PTPRU: variants seen among roughly 807,000 people sequenced by gnomAD.
PTPRU encodes receptor-type tyrosine-protein phosphatase U.
Under a neutral mutation model 166.3 loss-of-function variants are expected in PTPRU, and 69 were observed. The ratio of observed to expected loss-of-function variants is 0.41; its 90% CI spans 0.34 to 0.51. The LOEUF (loss-of-function observed/expected upper bound fraction) is 0.51. Among genes scored for constraint, PTPRU ranks in the 20% least tolerant of loss-of-function variants. The pLI, the probability that PTPRU is intolerant of heterozygous loss-of-function variation, is 0.09. For missense variants in PTPRU, 1,657 were observed against 2,013.7 expected (o/e 0.82, Z 3.39); for synonymous variants, 793 against 814.0 (o/e 0.97, Z 0.44).
intron 8 of PTPRU, among the ~76,000 whole-genome samples, chr1:29,277,390 T>C (rs1314439322): frequency 2.6e-5 from 4 of 152,204 alleles, no homozygotes; most frequent in Non-Finnish European, 5.9e-5. Context: ...CATGAGCCAC[T>C]GCACCTGGCC....
intron 2 of PTPRU, 89 bp downstream of exon 2, chr1:29,255,495 A>T: frequency 6.5e-7 from 1 of 1,544,932 alleles, no homozygotes; most frequent in East Asian, 2.3e-5. Context: ...CACATTACTT[A>T]ACCTCTCTGG....
chr1:29,307,917 C>T (rs564730976), intron 18 of PTPRU, among the ~76,000 whole-genome samples: 4 of 151,980 alleles, frequency 2.6e-5, no homozygotes, highest in East Asian at 1.9e-4. Flanking sequence ...TGCACCACCA[C>T]GCCCAGCTAA....
At chr1:29,259,699 T>C (rs1684951734) in intron 5 of PTPRU, 135 bp downstream of exon 5, 1 of 1,243,170 alleles carries the variant, frequency 8.0e-7, no homozygotes, top group South Asian at 1.5e-5. Flanking sequence ...GGCCCTCCCC[T>C]AGCTCTGCTC....
intron 1 of PTPRU, among the ~76,000 whole-genome samples, chr1:29,251,596 G>A (rs1381872681): frequency 6.6e-6 from 1 of 152,214 alleles, no homozygotes; most frequent in Non-Finnish European, 1.5e-5. Flanking sequence ...GGGGGCTCCT[G>A]TGACTGAGGT....
rs12404526 is a variant in PTPRU, at chr1:29,260,191, A to C, written c.850+147A>C. Reference sequence around the variant, plus strand: ...GCGCTATCTGAAGATGGGCCTGTGGAAATGGCAGTGGCCCAGCCGGGATGA... The same window carrying C: ...GCGCTATCTGAAGATGGGCCTGTGGCAATGGCAGTGGCCCAGCCGGGATGA... On this transcript the variant is annotated intron_variant, in intron 6 of 29. Transcript: ENST00000373779. The surrounding 1 kb of genome is among the most constrained non-coding windows in gnomAD (Gnocchi z 8.3). 112,773 of 956,864 alleles carry C rather than the reference A, an allele frequency of 0.12. 12,636 individuals are homozygous for C. Among genetic ancestry groups the C allele is most frequent in the East Asian group, 0.65 (19,305 of 29,924 alleles). The allele number at this position is 956,864 out of a possible 1,614,324, so 59.3% of individuals were successfully genotyped here.
intron 1 of PTPRU, among the ~76,000 whole-genome samples, chr1:29,245,899 TA>T (rs1684275836): frequency 6.6e-6 from 1 of 152,242 alleles, no homozygotes; most frequent in South Asian, 2.1e-4. Flanking sequence ...CCAGGCAGTC[TA>T]CATTGCATTG....
chr1:29,248,310 A>G (rs1475290302), intron 1 of PTPRU, among the ~76,000 whole-genome samples: 1 of 152,092 alleles, frequency 6.6e-6, no homozygotes, highest in Admixed American at 6.5e-5. Flanking sequence ...AGAACCCAGG[A>G]TGGGGCTGGG....
At chr1:29,251,682 T>A (rs1184630919) in intron 1 of PTPRU, among the ~76,000 whole-genome samples, 1 of 152,104 alleles carries the variant, frequency 6.6e-6, no homozygotes, top group Admixed American at 6.5e-5. Context: ...TGGCTCAGGA[T>A]GAACAAGAGG....
In PTPRU at chr1:29,279,727, G is replaced by A. The variant is rs1685975405; in HGVS notation, c.1765+70G>A. On this transcript the variant is annotated intron_variant, in intron 10 of 29. Transcript: ENST00000373779. This position sits in a 1 kb window ranked among gnomAD's most constrained non-coding sequence, Gnocchi z 5.2. ...GAATCCCAGGGTTCCATGGGCAGAA[G>A]GGAAATGGGGGGCATCCTGGGGGTA... 1 of 1,519,600 alleles carries A rather than the reference G, an allele frequency of 6.6e-7. No homozygotes were observed. 94.1% of individuals were successfully genotyped at this position (1,519,600 alleles called of 1,614,324 possible).
At position 29,260,248 on chromosome 1, in the gene PTPRU, G is replaced by C; in HGVS notation, c.850+204G>C. 1 of 586,800 alleles carries C rather than the reference G, an allele frequency of 1.7e-6. No homozygotes were observed. Among genetic ancestry groups the C allele is most frequent in the Non-Finnish European group, 2.7e-6 (1 of 373,704 alleles). 36.3% of individuals were successfully genotyped at this position (586,800 alleles called of 1,614,324 possible). A position where few individuals can be genotyped will look rare whatever the true frequency, so the allele number is the denominator to read the frequency against. On this transcript the variant is annotated intron_variant, in intron 6 of 29. Coordinates refer to ENST00000373779, the MANE Select transcript of PTPRU (RefSeq NM_133178.4). This position sits in a 1 kb window ranked among gnomAD's most constrained non-coding sequence, Gnocchi z 8.3. Reference sequence around the variant, plus strand: ...ATCTAGGGGTCGGGGCTGGCTTCGAGGGGGACGGACAGGGTCAAGGTGAGA... The same window carrying C: ...ATCTAGGGGTCGGGGCTGGCTTCGACGGGGACGGACAGGGTCAAGGTGAGA...
At chr1:29,289,423 C>T (rs1471802279) in intron 14 of PTPRU, among the ~76,000 whole-genome samples, 8 of 152,210 alleles carry the variant, frequency 5.3e-5, no homozygotes, top group East Asian at 1.9e-4. Flanking sequence ...GAAAGCTCTG[C>T]GGCCCCCTAG....
Position 29,238,748 on chromosome 1 carries a change from A to C in PTPRU, c.73+2031A>C, listed in dbSNP as rs572883458. Among the ~76,000 whole-genome samples the C allele has an allele frequency of 3.0e-4, 45 of 152,186 alleles. No homozygotes were observed. The highest frequency in any genetic ancestry group is 2.9e-3 in the Admixed American group (45 of 15,302). ...GCCTCCCTCTCCCACCGTGAAATCA[A>C]ACCCGCGGGGTTCTGTATGCGCCCC... is the stretch of plus-strand genomic sequence containing the variant. On this transcript the variant is annotated intron_variant, in intron 1 of 29. Transcript: ENST00000373779. This position sits in a 1 kb window ranked among gnomAD's most constrained non-coding sequence, Gnocchi z 6.1.
chr1:29,324,961 C>A lies in PTPRU; in HGVS notation c.4113-230C>A, dbSNP rs533849707. 3.3e-5 allele frequency among the ~76,000 whole-genome samples: 5 copies of A among 151,384 alleles called. No homozygotes were observed. In the East Asian group the frequency reaches 9.9e-4, roughly 30 times the overall value. ...CCCTCATCTCTGGGCTCTTTGGCCTCTTCCTTCTGGGTTCCCTAGCTCCGC... is the reference window on the plus strand; with the variant it reads ...CCCTCATCTCTGGGCTCTTTGGCCTATTCCTTCTGGGTTCCCTAGCTCCGC... On this transcript the variant is annotated intron_variant, in intron 28 of 29. Coordinates refer to ENST00000373779, the MANE Select transcript of PTPRU (RefSeq NM_133178.4).
chr1:29,240,979 G>T (rs1684027891), intron 1 of PTPRU, among the ~76,000 whole-genome samples: 1 of 152,296 alleles, frequency 6.6e-6, no homozygotes. Context: ...TGGGGTTGGG[G>T]AGGCTGGCTG....
chr1:29,259,224 AAT>A (rs1684909475), intron 3 of PTPRU, 35 bp from the exon 4 acceptor site: 1 of 1,583,054 alleles, frequency 6.3e-7, no homozygotes, highest in South Asian at 1.1e-5. Flanking sequence ...AGGCTGGAGG[AAT>A]ATCAGTATGA....
rs577303183 is a variant in PTPRU, at chr1:29,279,953, T to C, written c.1766-86T>C. On this transcript the variant is annotated intron_variant, in intron 10 of 29. Transcript: ENST00000373779. This position sits in a 1 kb window ranked among gnomAD's most constrained non-coding sequence, Gnocchi z 5.2. ...GGCTAAGGCTGAAGTAGGGGAGATC[T>C]GAGGACTGTGGTCAAGGAGGCTGGA... The C allele has an allele frequency of 7.3e-7, 1 of 1,360,622 alleles. No individual in the cohort carries two copies. The highest frequency in any genetic ancestry group is 1.4e-5 in the African/African-American group (1 of 69,962). The allele number at this position is 1,360,622 out of a possible 1,614,324, so 84.3% of individuals were successfully genotyped here. A position where few individuals can be genotyped will look rare whatever the true frequency, so the allele number is the denominator to read the frequency against.
At chr1:29,258,137 G>GTT in intron 2 of PTPRU, among the ~76,000 whole-genome samples, 1 of 152,118 alleles carries the variant, frequency 6.6e-6, no homozygotes, top group South Asian at 2.1e-4. Flanking sequence ...GCTAATTTTT[G>GTT]TTTTTTTAGT....
Position 29,259,550 on chromosome 1 carries a change from C to T in PTPRU, c.661C>T (p.Arg221Cys), listed in dbSNP as rs759835384. 57 of 1,376,368 alleles carry T rather than the reference C, an allele frequency of 4.1e-5. No homozygotes were observed. Among genetic ancestry groups the T allele is most frequent in the Non-Finnish European group, 5.2e-5 (54 of 1,031,144 alleles). The allele number at this position is 1,376,368 out of a possible 1,614,324, so 85.3% of individuals were successfully genotyped here. A position where few individuals can be genotyped will look rare whatever the true frequency, so the allele number is the denominator to read the frequency against. ...CGCGGGCAGAGCGGCCGAGGCCGAA[C>T]GCTTCCTCTTGCAAGTGAGCGGGAG... The part of the protein sequence containing the change: ...MAAGRAAEAE[R>C]FLLQRQSGAL... The change falls in exon 5 of 30, where the codon CGC (arginine) becomes TGC (cysteine). Residue 221 changes from arginine to cysteine, a missense_variant. Transcript: ENST00000373779.
chr1:29,318,726 G>T (rs1688011174), intron 25 of PTPRU, among the ~76,000 whole-genome samples: 1 of 152,230 alleles, frequency 6.6e-6, no homozygotes, highest in Admixed American at 6.5e-5. Flanking sequence ...GTCAGGGACT[G>T]GCCTTTACTG....
Sources: gnomAD v4.1 joint callset for allele counts (sites outside exome capture counted in the v4.1 genomes callset) on GRCh38, gnomAD v4.1.1 for gene constraint, Gnocchi (gnomAD v3.1) non-coding constraint, MANE v1.5 for transcripts, NCBI Gene and HGNC (gene_info 2026-07-23, HGNC 2026-07-21) for gene names.